SUGCT: variants seen among roughly 807,000 people sequenced by gnomAD.
SUGCT encodes the protein succinyl-CoA:glutarate CoA-transferase.
In SUGCT, 41 loss-of-function variants were observed where a neutral mutation model predicts 55.0. That is an observed-to-expected ratio of 0.74 (90% CI 0.58 to 0.97). The LOEUF (loss-of-function observed/expected upper bound fraction) is 0.97. Ranked by LOEUF, SUGCT falls within the 50% of genes least tolerant of loss-of-function variation. The pLI is 0.00. For missense variants in SUGCT, 568 were observed against 547.8 expected (o/e 1.04, Z -0.37); for synonymous variants, 187 against 200.4 (o/e 0.93, Z 0.56).
intron 12 of SUGCT, among the ~76,000 whole-genome samples, chr7:40,529,315 A>G (rs561087613): frequency 6.6e-6 from 1 of 152,342 alleles, no homozygotes; most frequent in South Asian, 2.1e-4. Flanking sequence ...GGTTACCTTG[A>G]AGGAGTCTTG....
intron 13 of SUGCT, among the ~76,000 whole-genome samples, chr7:40,782,057 C>T (rs1434264777): frequency 2.0e-5 from 3 of 151,862 alleles, no homozygotes; most frequent in Non-Finnish European, 4.4e-5. Flanking sequence ...TCTTCTTTAT[C>T]TTTCTTCAGT....
At chr7:40,830,775 C>A (rs1792621480) in intron 13 of SUGCT, among the ~76,000 whole-genome samples, 1 of 152,208 alleles carries the variant, frequency 6.6e-6, no homozygotes, top group Admixed American at 6.5e-5. Flanking sequence ...AGCAAAAGTC[C>A]TCAGAGGACA....
At chr7:40,855,284 A>T (rs1794114615) in intron 13 of SUGCT, among the ~76,000 whole-genome samples, 1 of 151,432 alleles carries the variant, frequency 6.6e-6, no homozygotes, top group African/African-American at 2.4e-5. Context: ...AAAAAAAAGA[A>T]AAGAAAAGAA....
chr7:40,153,883 A>G (rs1330693201), intron 1 of SUGCT: 4 of 375,302 alleles, frequency 1.1e-5, no homozygotes, highest in Non-Finnish European at 1.6e-5. Context: ...TGGAAAAAAG[A>G]TGGGATCCAA....
chr7:40,560,063 A>C (rs920271522), intron 12 of SUGCT, among the ~76,000 whole-genome samples: 1 of 152,208 alleles, frequency 6.6e-6, no homozygotes. Context: ...GAATTATCCT[A>C]TTTAAAATAT....
At chr7:40,610,033 C>T (rs979205882) in intron 12 of SUGCT, among the ~76,000 whole-genome samples, 3 of 152,080 alleles carry the variant, frequency 2.0e-5, no homozygotes, top group African/African-American at 4.8e-5. Flanking sequence ...GCTTGTTCAT[C>T]AAATAATAAT....
At chr7:40,528,127 A>G (rs1464971182) in intron 12 of SUGCT, among the ~76,000 whole-genome samples, 2 of 152,202 alleles carry the variant, frequency 1.3e-5, no homozygotes, top group African/African-American at 2.4e-5. Flanking sequence ...TAATAAGTAT[A>G]CTTACCTTGA....
the SUGCT span, among the ~76,000 whole-genome samples, chr7:40,886,969 G>A: frequency 6.6e-6 from 1 of 152,098 alleles, no homozygotes; most frequent in East Asian, 1.9e-4. Context: ...TAAATCCATG[G>A]GATCTCCTAC....
chr7:40,511,685 T>C (rs893593797), intron 12 of SUGCT, among the ~76,000 whole-genome samples: 1 of 152,194 alleles, frequency 6.6e-6, no homozygotes. Flanking sequence ...ATTTCAAATA[T>C]CTCACATTAC....
the SUGCT span, among the ~76,000 whole-genome samples, chr7:40,959,780 T>A: frequency 1.3e-5 from 2 of 151,972 alleles, no homozygotes; most frequent in South Asian, 4.2e-4. Flanking sequence ...AGCTTTGTGC[T>A]TGAAACCCAG....
chr7:40,907,104 TGTGTGTGTGTG>T, the SUGCT span, among the ~76,000 whole-genome samples: 94 of 113,610 alleles, frequency 8.3e-4, 1 homozygote, highest in African/African-American at 1.9e-3. Flanking sequence ...ATAGTGTGTG[TGTGTGTGTGTG>T]TGTGTGTGTG....
chr7:40,462,222 A>G (rs1458171654), intron 11 of SUGCT, among the ~76,000 whole-genome samples: 1 of 152,162 alleles, frequency 6.6e-6, no homozygotes, highest in African/African-American at 2.4e-5. Flanking sequence ...GAAGCTTGCA[A>G]GAAATGAGAG....
At chr7:40,440,521 T>C (rs1023577609) in intron 9 of SUGCT, among the ~76,000 whole-genome samples, 1 of 152,090 alleles carries the variant, frequency 6.6e-6, no homozygotes, top group Admixed American at 6.5e-5. Context: ...TGTGAACTTG[T>C]CACTGGACTA....
At chr7:40,767,185 T>C (rs1788845592) in intron 13 of SUGCT, among the ~76,000 whole-genome samples, 1 of 152,178 alleles carries the variant, frequency 6.6e-6, no homozygotes, top group Non-Finnish European at 1.5e-5. Flanking sequence ...CTTACAGGAA[T>C]TGACCCCCTG....
At chr7:40,975,282 TC>T in the SUGCT span, among the ~76,000 whole-genome samples, 1 of 152,160 alleles carries the variant, frequency 6.6e-6, no homozygotes, top group Non-Finnish European at 1.5e-5. Flanking sequence ...TCAAGGATCA[TC>T]CTCCTCACAT....
chr7:40,847,875 C>A (rs1206371829), intron 13 of SUGCT, among the ~76,000 whole-genome samples: 1 of 152,142 alleles, frequency 6.6e-6, no homozygotes, highest in Admixed American at 6.5e-5. Context: ...AAAGTTAAGC[C>A]TGGAGGCTGA....
At chr7:40,449,650 A>AT (rs1181976937) in intron 10 of SUGCT, among the ~76,000 whole-genome samples, 16 of 151,708 alleles carry the variant, frequency 1.1e-4, no homozygotes, top group Non-Finnish European at 2.2e-4. Context: ...TAACACTGGT[A>AT]TTTTTTTCTT....
intron 12 of SUGCT, among the ~76,000 whole-genome samples, chr7:40,644,484 G>A (rs1467095299): frequency 6.6e-6 from 1 of 152,144 alleles, no homozygotes; most frequent in East Asian, 1.9e-4. Flanking sequence ...GGCCACCATG[G>A]GTGGATCTAT....
At chr7:40,331,648 A>G (rs1456746270) in intron 9 of SUGCT, among the ~76,000 whole-genome samples, 5 of 152,138 alleles carry the variant, frequency 3.3e-5, no homozygotes, top group Non-Finnish European at 7.3e-5. Context: ...AACTGCCAGG[A>G]GTCCTTGTTC....
Sources: gnomAD v4.1 joint callset for allele counts (sites outside exome capture counted in the v4.1 genomes callset) on GRCh38, gnomAD v4.1.1 for gene constraint, MANE v1.5 for transcripts, NCBI Gene and HGNC (gene_info 2026-07-23, HGNC 2026-07-21) for gene names.